CXADR: variants seen among roughly 807,000 people sequenced by gnomAD.
CXADR encodes CXADR cell adhesion molecule.
CXADR carries 20 observed loss-of-function variants against 40.3 expected under a neutral mutation model. The ratio of observed to expected loss-of-function variants is 0.50; its 90% CI spans 0.35 to 0.72. The LOEUF (loss-of-function observed/expected upper bound fraction) is 0.72, where lower values mean the gene tolerates loss of function less well. Among genes scored for constraint, CXADR ranks in the 30% least tolerant of loss-of-function variants. The pLI is 0.01. For missense variants in CXADR, 332 were observed against 449.1 expected, an observed-to-expected ratio of 0.74 and a Z score of 2.36; for synonymous variants, 150 against 161.3, an observed-to-expected ratio of 0.93 and a Z score of 0.53.
At chr21:17,579,361 T>G (rs955334564) in intron 7 of CXADR, among the ~76,000 whole-genome samples, 3 of 151,922 alleles carry the variant, frequency 2.0e-5, no homozygotes, top group Admixed American at 1.3e-4. Flanking sequence ...CTTGGCTCAC[T>G]GCAACCTCCG....
intron 1 of CXADR, among the ~76,000 whole-genome samples, chr21:17,523,832 G>T (rs1368604108): frequency 6.6e-6 from 1 of 151,832 alleles, no homozygotes; most frequent in Non-Finnish European, 1.5e-5. Flanking sequence ...TTGTTCAATT[G>T]GGTTTGGATT....
At chr21:17,604,147 A>T in the CXADR span, 1 of 1,283,034 alleles carries the variant, frequency 7.8e-7, no homozygotes, top group Middle Eastern at 2.2e-4. Context: ...TCACTTACAT[A>T]ATCAAAAAGG....
At chr21:17,625,451 A>G in the CXADR span, among the ~76,000 whole-genome samples, 3 of 152,198 alleles carry the variant, frequency 2.0e-5, no homozygotes, top group Non-Finnish European at 4.4e-5. Flanking sequence ...CACATTTTAT[A>G]TATGTATCAA....
chr21:17,546,938 C>T (rs1021572063), intron 1 of CXADR, 89 bp from the exon 2 acceptor site: 1 of 1,491,518 alleles, frequency 6.7e-7, no homozygotes, highest in Non-Finnish European at 9.2e-7. Context: ...TCCCTCGCAT[C>T]AATGTGCTGC....
At chr21:17,550,818 A>G (rs559669819) in intron 2 of CXADR, among the ~76,000 whole-genome samples, 2 of 152,346 alleles carry the variant, frequency 1.3e-5, no homozygotes, top group East Asian at 1.9e-4. Context: ...CAGAAAACTC[A>G]GTGGGTTAGG....
In CXADR at chr21:17,568,720, A is replaced by G. The variant is rs989844150; in HGVS notation, c.*3028A>G. On this transcript the variant is annotated 3_prime_UTR_variant, in exon 7 of 7. Transcript: ENST00000284878. ...CTGTACTTTGAATATGGAGTAGTTTACAGCTATTTTTTTTTCTTACTGGTA... is the reference window on the plus strand; with the variant it reads ...CTGTACTTTGAATATGGAGTAGTTTGCAGCTATTTTTTTTTCTTACTGGTA... 3.0e-6 allele frequency: 3 copies of G among 984,930 alleles called. No individual in the cohort carries two copies. The African/African-American group carries it at 5.3e-5, about 17-fold the overall frequency. The allele number at this position is 984,930 out of a possible 1,614,324, so 61.0% of individuals were successfully genotyped here.
Position 17,568,420 on chromosome 21 carries a change from A to G in CXADR, c.*2728A>G, listed in dbSNP as rs1312187824. The G allele has an allele frequency of 1.0e-6, 1 of 985,078 alleles. No homozygotes were observed. The highest frequency in any genetic ancestry group is 1.2e-6 in the Non-Finnish European group (1 of 829,916). The allele number at this position is 985,078 out of a possible 1,614,324, so 61.0% of individuals were successfully genotyped here. A position where few individuals can be genotyped will look rare whatever the true frequency, so the allele number is the denominator to read the frequency against. On this transcript the variant is annotated 3_prime_UTR_variant, in exon 7 of 7. Coordinates refer to ENST00000284878, the MANE Select transcript of CXADR (RefSeq NM_001338.5). ...TGGGATTACAGGCGTGAACCACTGC[A>G]CCCGGCCCAGTACTGCATCTTAACA...
Position 17,590,520 on chromosome 21 carries a change from T to G in CXADR, c.1018-2632T>G, listed in dbSNP as rs759291144. ...AAATGTACATATTTTAAAGAGGAAT[T>G]GCATGAGCCTTCCCTTGTGCTCATG... is the stretch of plus-strand genomic sequence containing the variant. On this transcript the variant is annotated intron_variant, in intron 7 of 7. Coordinates refer to the CXADR transcript ENST00000400169. 2.4e-4 allele frequency among the ~76,000 whole-genome samples: 37 copies of G among 152,018 alleles called. 1 individual carries two copies. The highest frequency in any genetic ancestry group is 2.9e-4 in the Non-Finnish European group (20 of 67,958).
intron 1 of CXADR, chr21:17,542,073 T>C: frequency 2.9e-6 from 1 of 341,724 alleles, no homozygotes; most frequent in South Asian, 2.4e-5. Flanking sequence ...TTAGTATAGT[T>C]AAATTTTTGT....
the CXADR span, among the ~76,000 whole-genome samples, chr21:17,609,739 T>C: frequency 2.6e-5 from 4 of 152,304 alleles, no homozygotes; most frequent in East Asian, 3.9e-4. Flanking sequence ...GTATTCATAA[T>C]AGCTAAAAAG....
the CXADR span, among the ~76,000 whole-genome samples, chr21:17,635,552 A>G: frequency 6.6e-6 from 1 of 152,210 alleles, no homozygotes; most frequent in Admixed American, 6.5e-5. Flanking sequence ...GGCACTGCTC[A>G]AGCTTATGAG....
At chr21:17,535,008 T>G (rs1326061816) in intron 1 of CXADR, among the ~76,000 whole-genome samples, 1 of 152,098 alleles carries the variant, frequency 6.6e-6, no homozygotes, top group Non-Finnish European at 1.5e-5. Flanking sequence ...TCTCAAACTC[T>G]TGATTTCAGG....
chr21:17,588,932 ATTC>A (rs1476155305), intron 7 of CXADR, among the ~76,000 whole-genome samples: 1 of 152,050 alleles, frequency 6.6e-6, no homozygotes, highest in Admixed American at 6.6e-5. Context: ...AAAATGATAT[ATTC>A]TTCTATTCAG....
chr21:17,598,806 A>G, the CXADR span: 1 of 1,613,958 alleles, frequency 6.2e-7, no homozygotes, highest in African/African-American at 1.3e-5. Context: ...CAATGAATGC[A>G]TTGTTTTTCT....
intron 1 of CXADR, among the ~76,000 whole-genome samples, chr21:17,546,683 C>T (rs1343495860): frequency 6.6e-6 from 1 of 152,178 alleles, no homozygotes; most frequent in Non-Finnish European, 1.5e-5. Context: ...GTCACAAATC[C>T]AACCTGTATC....
intron 7 of CXADR, among the ~76,000 whole-genome samples, chr21:17,584,704 A>G (rs1276306255): frequency 6.6e-6 from 1 of 152,098 alleles, no homozygotes; most frequent in African/African-American, 2.4e-5. Context: ...GGTGGCGGGC[A>G]CCTGTAATCC....
the CXADR span, among the ~76,000 whole-genome samples, chr21:17,622,278 C>A: frequency 6.6e-6 from 1 of 152,232 alleles, no homozygotes; most frequent in Non-Finnish European, 1.5e-5. Context: ...TTGTTCCCAC[C>A]CCACCCCAGC....
At chr21:17,534,010 ATATATATATATATATATAGC>A (rs1268991997) in intron 1 of CXADR, among the ~76,000 whole-genome samples, 7 of 6,110 alleles carry the variant, frequency 1.1e-3, no homozygotes, top group South Asian at 0.012. Context: ...TCTCAGCAAT[ATATATATATATATATATAGC>A]TATATATATA....
chr21:17,601,487 G>A, the CXADR span, among the ~76,000 whole-genome samples: 4 of 152,108 alleles, frequency 2.6e-5, no homozygotes, highest in Non-Finnish European at 4.4e-5. Flanking sequence ...TCATGCCACC[G>A]CATTCCAGCC....
Sources: allele counts gnomAD v4.1 joint callset (sites outside exome capture counted in the v4.1 genomes callset), GRCh38; gene constraint gnomAD v4.1.1; transcripts MANE v1.5; gene names NCBI Gene and HGNC (gene_info 2026-07-23, HGNC 2026-07-21).